SULF2: variants seen among roughly 807,000 people sequenced by gnomAD.
The protein encoded by SULF2 is extracellular sulfatase Sulf-2.
SULF2 carries 52 observed loss-of-function variants against 107.7 expected under a neutral mutation model. That is an observed-to-expected ratio of 0.48 (90% CI 0.39 to 0.61). The LOEUF (loss-of-function observed/expected upper bound fraction) is 0.61. Among genes scored for constraint, SULF2 ranks in the 20% least tolerant of loss-of-function variants. The pLI, the probability that SULF2 is intolerant of heterozygous loss-of-function variation, is 0.00. For missense variants in SULF2, 993 were observed against 1,177.3 expected, an observed-to-expected ratio of 0.84 and a Z score of 2.29; for synonymous variants, 460 against 464.3, an observed-to-expected ratio of 0.99 and a Z score of 0.12.
At chr20:47,741,141 G>C (rs1309800996) in intron 2 of SULF2, among the ~76,000 whole-genome samples, 1 of 152,142 alleles carries the variant, frequency 6.6e-6, no homozygotes, top group Non-Finnish European at 1.5e-5. Flanking sequence ...GGTGTAGCCA[G>C]AGTCTCCTCT....
Position 47,729,116 on chromosome 20 carries a change from C to T in SULF2, c.415+7587G>A, listed in dbSNP as rs78386466. Among the ~76,000 whole-genome samples, 644 of 152,256 alleles carry T rather than the reference C, an allele frequency of 4.2e-3. 3 individuals are homozygous for T. The highest frequency in any genetic ancestry group is 0.015 in the African/African-American group (608 of 41,530). On this transcript the variant is annotated intron_variant, in intron 3 of 20. Transcript: ENST00000688720. ...AGGAGGCAGCATTGGAACACAGACA[C>T]GAGGAAAGTGCAGACGTGTAGAAGT...
chr20:47,663,146 T>C lies in SULF2; in HGVS notation c.2294A>G (p.Glu765Gly). The C allele has an allele frequency of 6.2e-7, 1 of 1,614,152 alleles. No homozygotes were observed. The highest frequency in any genetic ancestry group is 2.2e-5 in the East Asian group (1 of 44,876). ...NTYWCMRTIN[E>G]THNFLFCEFA... The stretch of plus-strand genomic sequence containing the variant: ...TTCACAGAAGAGGAAATTGTGAGTC[T>C]CATTGATGGTCCTCATGCACCAGTA... The change falls in exon 17 of 21, where the codon GAG becomes GGG. Residue 765 changes from glutamate to glycine, a missense_variant. By Grantham distance (98) the Glu-to-Gly change is moderately conservative (BLOSUM62 -2). Transcript: ENST00000688720.
intron 5 of SULF2, among the ~76,000 whole-genome samples, chr20:47,689,369 A>G (rs1162445030): frequency 6.6e-6 from 1 of 151,914 alleles, no homozygotes; most frequent in African/African-American, 2.4e-5. Flanking sequence ...TCTTGGCCTT[A>G]CTCTCTCTCT....
chr20:47,700,152 T>A (rs1177091766), intron 4 of SULF2, among the ~76,000 whole-genome samples: 2 of 152,186 alleles, frequency 1.3e-5, no homozygotes, highest in Non-Finnish European at 2.9e-5. Context: ...AAATGGGACA[T>A]CTGGATGAAA....
intron 10 of SULF2, among the ~76,000 whole-genome samples, chr20:47,673,698 A>C (rs1890796080): frequency 6.6e-6 from 1 of 152,200 alleles, no homozygotes; most frequent in South Asian, 2.1e-4. Flanking sequence ...GTGCAGAAGT[A>C]GACTGATGGG....
intron 5 of SULF2, among the ~76,000 whole-genome samples, chr20:47,687,308 C>T (rs1238771586): frequency 6.6e-6 from 1 of 152,200 alleles, no homozygotes; most frequent in Non-Finnish European, 1.5e-5. Context: ...CAGGCTCCCC[C>T]AGGGAGGATG....
Position 47,700,637 on chromosome 20 carries a change from CT to C in SULF2, c.567+1881del, listed in dbSNP as rs59966689. Reference sequence around the variant, plus strand: ...GCTGGAGTGTAAACTGGTGCAACATCTTTTTTTTTTTTTTTTTTTCTTTTTT... The same window carrying C: ...GCTGGAGTGTAAACTGGTGCAACATCTTTTTTTTTTTTTTTTTTCTTTTTT... On this transcript the variant is annotated intron_variant, in intron 4 of 20. Coordinates refer to ENST00000688720, the MANE Select transcript of SULF2 (RefSeq NM_001387048.1). Among the ~76,000 whole-genome samples, 231 of 126,184 alleles carry C rather than the reference CT, an allele frequency of 1.8e-3. 2 individuals are homozygous for C. The highest frequency in any genetic ancestry group is 5.1e-3 in the African/African-American group (170 of 33,592). 82.8% of individuals were successfully genotyped at this position (126,184 alleles called of 152,430 possible). A position where few individuals can be genotyped will look rare whatever the true frequency, so the allele number is the denominator to read the frequency against.
At chr20:47,718,219 C>T (rs2089183990) in intron 3 of SULF2, among the ~76,000 whole-genome samples, 1 of 152,188 alleles carries the variant, frequency 6.6e-6, no homozygotes, top group South Asian at 2.1e-4. Flanking sequence ...TGCCTTCCAG[C>T]TCAGTTTTCT....
chr20:47,669,314 G>A (rs1602596960), intron 11 of SULF2, among the ~76,000 whole-genome samples: 1 of 152,158 alleles, frequency 6.6e-6, no homozygotes, highest in Non-Finnish European at 1.5e-5. Context: ...CAGGATCCCC[G>A]TGGATCAAGG....
chr20:47,744,849 TC>T (rs1311622750), intron 2 of SULF2, among the ~76,000 whole-genome samples: 1 of 152,108 alleles, frequency 6.6e-6, no homozygotes, highest in African/African-American at 2.4e-5. Flanking sequence ...CACACACCCC[TC>T]TCCAGGCCGC....
At chr20:47,776,837 CT>C (rs1397143350) in intron 1 of SULF2, among the ~76,000 whole-genome samples, 2 of 152,212 alleles carry the variant, frequency 1.3e-5, no homozygotes, top group Non-Finnish European at 2.9e-5. Flanking sequence ...GAAACCAATC[CT>C]CCCAGCCACC....
In SULF2 at chr20:47,690,117, G is replaced by A. The variant is rs772148871; in HGVS notation, c.737+9C>T. 4.2e-6 allele frequency: 6 copies of A among 1,439,236 alleles called. No individual in the cohort carries two copies. In the Admixed American group the frequency reaches 1.4e-4, roughly 33 times the overall value. The allele number at this position is 1,439,236 out of a possible 1,614,324, so 89.2% of individuals were successfully genotyped here. A position where few individuals can be genotyped will look rare whatever the true frequency, so the allele number is the denominator to read the frequency against. ...CAGTGCCTCTGGCAGGCAGAGTGCT[G>A]AGGCTTACATGTGCTGAGATGCGTT... On this transcript the variant is annotated intron_variant, in intron 5 of 20. Coordinates refer to ENST00000688720, the MANE Select transcript of SULF2 (RefSeq NM_001387048.1).
intron 2 of SULF2, among the ~76,000 whole-genome samples, chr20:47,745,436 TATATATATATATATATATATACACATAC>T (rs1568892806): frequency 0.24 from 3,179 of 13,228 alleles, 486 homozygotes; most frequent in African/African-American, 0.46. Context: ...TATATATATA[TATATATATATATATATATATACACATAC>T]ACACACACTT....
intron 15 of SULF2, among the ~76,000 whole-genome samples, 165 bp downstream of exon 15, chr20:47,663,965 C>T (rs1315308236): frequency 1.3e-5 from 2 of 152,166 alleles, no homozygotes; most frequent in Middle Eastern, 3.2e-3. Flanking sequence ...CGTCGGAGGC[C>T]CGCTCAGTGT....
rs567103474 is a variant in SULF2 at position 47,720,632 on chromosome 20, C to T, written c.415+16071G>A. Among the ~76,000 whole-genome samples the T allele has an allele frequency of 1.3e-4, 19 of 150,294 alleles. No individual in the cohort carries two copies. The South Asian group carries it at 4.0e-3, about 32-fold the overall frequency. The stretch of plus-strand genomic sequence containing the variant: ...AGATTTTAAAAAGCATCTTGTAACT[C>T]TGACAGAAATTTGGGGTTGAAGTGT... On this transcript the variant is annotated intron_variant, in intron 3 of 20. Transcript: ENST00000688720.
At chr20:47,679,994 G>A (rs1322012485) in intron 7 of SULF2, among the ~76,000 whole-genome samples, 1 of 152,202 alleles carries the variant, frequency 6.6e-6, no homozygotes, top group East Asian at 1.9e-4. Context: ...CTGCAGGAAG[G>A]CTGGCTCAGG....
At chr20:47,730,135 G>A (rs1006137263) in intron 3 of SULF2, among the ~76,000 whole-genome samples, 7 of 152,128 alleles carry the variant, frequency 4.6e-5, no homozygotes, top group African/African-American at 1.4e-4. Flanking sequence ...AGCTTTGTGC[G>A]AGAAGAGTGA....
rs753876971 is a variant in SULF2 at position 47,684,486 on chromosome 20, A to C, written c.833T>G (p.Met278Arg). Residue 278 changes from methionine (M) to arginine (R), a missense_variant, in exon 6 of 21, where the codon ATG becomes AGG. Physicochemically the swap from Met to Arg is moderately conservative, Grantham distance 91. Around this residue, in one of 3 missense-constraint regions of SULF2, gnomAD observed 388 missense variants for 449.2 expected, o/e 0.86. Coordinates refer to ENST00000688720, the MANE Select transcript of SULF2 (RefSeq NM_001387048.1). ...MKPIHMEFTN[M>R]LQRKRLQTLM... is the part of the protein sequence containing the mutation. ...GGTCTGCAAGCGCTTCCGCTGGAGCATGTTGGTGAATTCCATGTGGATGGG... is the reference window on the plus strand; with the variant it reads ...GGTCTGCAAGCGCTTCCGCTGGAGCCTGTTGGTGAATTCCATGTGGATGGG... The C allele has an allele frequency of 1.9e-6, 3 of 1,613,710 alleles. No individual in the cohort carries two copies. The highest frequency in any genetic ancestry group is 3.3e-5 in the Admixed American group (2 of 59,958).
chr20:47,782,831 A>G (rs1266928504), intron 1 of SULF2, among the ~76,000 whole-genome samples: 1 of 152,198 alleles, frequency 6.6e-6, no homozygotes, highest in Non-Finnish European at 1.5e-5. Flanking sequence ...CTGTCGGAAC[A>G]GTGGGGGTTT....
Sources: allele counts gnomAD v4.1 joint callset (sites outside exome capture counted in the v4.1 genomes callset), GRCh38; gene constraint gnomAD v4.1.1; regional missense constraint gnomAD v4.1.1; transcripts MANE v1.5; gene names NCBI Gene and HGNC (gene_info 2026-07-23, HGNC 2026-07-21).